RNF217: variants seen among roughly 807,000 people sequenced by gnomAD.
RNF217 encodes the protein E3 ubiquitin-protein ligase RNF217.
A neutral mutation model predicts 57.8 loss-of-function variants in RNF217; 31 were observed. The observed-to-expected ratio is 0.54, with a 90% CI of 0.40 to 0.72. RNF217 has a LOEUF of 0.72. RNF217 is among the 30% of genes least tolerant of loss of function. RNF217 has a pLI of 0.00. For synonymous variants in RNF217, 313 were observed against 294.0 expected (o/e 1.06, Z -0.66); for missense variants, 696 against 708.3 (o/e 0.98, Z 0.20).
At position 125,090,970 on chromosome 6, in the gene RNF217, AT is replaced by A; in HGVS notation, c.*8034del. 6.6e-6 allele frequency: 1 copy of A among 152,050 alleles called. No individual in the cohort carries two copies. The highest frequency in any genetic ancestry group is 1.5e-5 in the Non-Finnish European group (1 of 67,894). The allele number at this position is 152,050 out of a possible 1,614,324, so 9.4% of individuals were successfully genotyped here. A position where few individuals can be genotyped will look rare whatever the true frequency, so the allele number is the denominator to read the frequency against. On this transcript the variant is annotated 3_prime_UTR_variant, in exon 6 of 6. Coordinates refer to ENST00000521654, the MANE Select transcript of RNF217 (RefSeq NM_001286398.3). The stretch of plus-strand genomic sequence containing the variant: ...AATTTTTTAATTAGACAATGTTGAT[AT>A]GCAGAAATCTCTCAAAAGAAATTGC...
In RNF217 at chr6:124,980,751, G is replaced by A. The variant is rs74714636; in HGVS notation, c.882+17325G>A. Among the ~76,000 whole-genome samples, 732 of 152,192 alleles carry A rather than the reference G, an allele frequency of 4.8e-3. 5 individuals carry two copies. The highest frequency in any genetic ancestry group is 0.017 in the African/African-American group (696 of 41,512). ...AAAGATTTTTTGTTGATTTTATGCT[G>A]AATGACTGAGTTGCCCCTCCCTCCA... is the stretch of plus-strand genomic sequence containing the variant. On this transcript the variant is annotated intron_variant, in intron 1 of 5. Transcript: ENST00000521654.
chr6:124,981,043 A>G (rs1315972268), intron 1 of RNF217, among the ~76,000 whole-genome samples: 1 of 152,242 alleles, frequency 6.6e-6, no homozygotes, highest in Non-Finnish European at 1.5e-5. Flanking sequence ...AATGTAATTT[A>G]AGGAGCAGTA....
intron 1 of RNF217, among the ~76,000 whole-genome samples, chr6:125,018,744 G>C (rs1785705525): frequency 6.6e-6 from 1 of 152,106 alleles, no homozygotes; most frequent in Non-Finnish European, 1.5e-5. Context: ...CCTAAATAAG[G>C]AAGAGGAATG....
At chr6:125,000,618 T>C (rs1190544078) in intron 1 of RNF217, among the ~76,000 whole-genome samples, 1 of 152,102 alleles carries the variant, frequency 6.6e-6, no homozygotes, top group Non-Finnish European at 1.5e-5. Flanking sequence ...TAGGAAAATA[T>C]GGTACATTTC....
chr6:125,068,413 C>G (rs1010391299), intron 3 of RNF217, among the ~76,000 whole-genome samples: 1 of 152,192 alleles, frequency 6.6e-6, no homozygotes, highest in Non-Finnish European at 1.5e-5. Flanking sequence ...GAGAAACCTC[C>G]TCTGACCCTT....
rs1788750654 is a variant in RNF217 at position 125,085,671 on chromosome 6, T to G, written c.*2734T>G. On this transcript the variant is annotated 3_prime_UTR_variant, in exon 6 of 6. Transcript: ENST00000521654. ...TATATACTACTTTAAAAAATTGAAC[T>G]ATACAGAATTTATAAAATACAACTT... is the stretch of plus-strand genomic sequence containing the variant. The G allele has an allele frequency of 6.6e-6, 1 of 151,898 alleles. No homozygotes were observed. The highest frequency in any genetic ancestry group is 6.6e-5 in the Admixed American group (1 of 15,228). 9.4% of individuals were successfully genotyped at this position (151,898 alleles called of 1,614,324 possible).
intron 2 of RNF217, among the ~76,000 whole-genome samples, chr6:125,051,931 A>C (rs1309284665): frequency 2.0e-5 from 3 of 152,052 alleles, no homozygotes; most frequent in Non-Finnish European, 4.4e-5. Context: ...CTCGGACAAG[A>C]AATAGACCCA....
intron 1 of RNF217, among the ~76,000 whole-genome samples, chr6:125,035,520 T>C (rs510795): frequency 0.039 from 5,894 of 152,334 alleles, 158 homozygotes; most frequent in South Asian, 0.082. Context: ...GTTGTCTGCA[T>C]GTTTCTCATT....
At chr6:125,000,514 T>G (rs1009611611) in intron 1 of RNF217, among the ~76,000 whole-genome samples, 5 of 152,018 alleles carry the variant, frequency 3.3e-5, no homozygotes, top group Non-Finnish European at 7.4e-5. Flanking sequence ...GAAAAAATTA[T>G]TATTTTTTGA....
At position 125,081,423 on chromosome 6, in the gene RNF217, T is replaced by C. The variant is rs765227404; in HGVS notation, c.1484-13T>C. On this transcript the variant is annotated splice_polypyrimidine_tract_variant and intron_variant, in intron 4 of 5. Transcript: ENST00000521654. ...TTAAGACTCCTTAAATAATTTTGCCTTTTGTTTTCCAGCTGGAAAATTATT... is the reference window on the plus strand; with the variant it reads ...TTAAGACTCCTTAAATAATTTTGCCCTTTGTTTTCCAGCTGGAAAATTATT... 4.4e-6 allele frequency: 7 copies of C among 1,608,670 alleles called. No individual in the cohort carries two copies. In the East Asian group the frequency reaches 1.6e-4, roughly 36 times the overall value.
chr6:125,038,932 A>G (rs1322239094), intron 1 of RNF217, among the ~76,000 whole-genome samples: 3 of 151,988 alleles, frequency 2.0e-5, no homozygotes, highest in African/African-American at 7.3e-5. Flanking sequence ...TCAACCCATC[A>G]CCTGGGTACT....
At chr6:125,024,600 C>T (rs1317070728) in intron 1 of RNF217, among the ~76,000 whole-genome samples, 1 of 151,908 alleles carries the variant, frequency 6.6e-6, no homozygotes, top group African/African-American at 2.4e-5. Context: ...TGCCTGTAAT[C>T]CCAGCTACTC....
intron 1 of RNF217, among the ~76,000 whole-genome samples, chr6:125,000,387 A>T (rs546041231): frequency 6.6e-6 from 1 of 152,022 alleles, no homozygotes; most frequent in Admixed American, 6.6e-5. Flanking sequence ...AACACACATA[A>T]TGTTATATGA....
chr6:125,071,912 G>A (rs1163621595), intron 3 of RNF217, among the ~76,000 whole-genome samples: 1 of 151,990 alleles, frequency 6.6e-6, no homozygotes, highest in Non-Finnish European at 1.5e-5. Flanking sequence ...TTAGCCACTT[G>A]GGCAGTTAGT....
chr6:125,059,090 A>C (rs1787630871), intron 3 of RNF217, among the ~76,000 whole-genome samples: 1 of 152,190 alleles, frequency 6.6e-6, no homozygotes, highest in Non-Finnish European at 1.5e-5. Context: ...AATAATAATA[A>C]ATGTACAGAT....
intron 1 of RNF217, among the ~76,000 whole-genome samples, chr6:124,996,834 T>C (rs987133818): frequency 2.6e-5 from 4 of 152,262 alleles, no homozygotes; most frequent in Non-Finnish European, 5.9e-5. Context: ...ATATTACTTA[T>C]CTATTTTTTA....
At chr6:124,983,353 C>A in intron 1 of RNF217, 1 of 984,202 alleles carries the variant, frequency 1.0e-6, no homozygotes, top group Non-Finnish European at 1.2e-6. Flanking sequence ...AGAACTCCGA[C>A]TGTGTACTTT....
chr6:125,048,900 C>G (rs1387324215), intron 2 of RNF217, among the ~76,000 whole-genome samples: 1 of 152,002 alleles, frequency 6.6e-6, no homozygotes, highest in Non-Finnish European at 1.5e-5. Context: ...TCGTCAAACT[C>G]ATACTATATC....
At chr6:125,079,997 T>C (rs1006356662) in intron 4 of RNF217, among the ~76,000 whole-genome samples, 4 of 152,088 alleles carry the variant, frequency 2.6e-5, no homozygotes, top group African/African-American at 9.7e-5. Context: ...TCTCGTTCCT[T>C]CAATTCTGTG....
Sources: gnomAD v4.1 joint callset for allele counts (sites outside exome capture counted in the v4.1 genomes callset) on GRCh38, gnomAD v4.1.1 for gene constraint, MANE v1.5 for transcripts, NCBI Gene and HGNC (gene_info 2026-07-23, HGNC 2026-07-21) for gene names.